Variants in DRC5 observed in about 807,000 individuals in gnomAD.
DRC5 encodes the protein dynein regulatory complex subunit 5.
the DRC5 span, chr6:44,280,505 T>TAAC: frequency 2.7e-6 from 2 of 741,744 alleles, no homozygotes; most frequent in South Asian, 3.7e-5. Context: ...AAACAATACT[T>TAAC]AACCTATTTG....
At chr6:44,281,967 A>G in the DRC5 span, 1 of 815,180 alleles carries the variant, frequency 1.2e-6, no homozygotes. Flanking sequence ...TAAAGGAAAA[A>G]TAATCATTGG....
chr6:44,287,248 G>A, the DRC5 span: 1 of 985,120 alleles, frequency 1.0e-6, no homozygotes, highest in Non-Finnish European at 1.2e-6. Flanking sequence ...CTTTCTGGAG[G>A]AGGAAGTAGA....
At chr6:44,292,621 A>G in the DRC5 span, among the ~76,000 whole-genome samples, 3 of 151,632 alleles carry the variant, frequency 2.0e-5, no homozygotes, top group Non-Finnish European at 4.4e-5. Flanking sequence ...GATTCTGGCC[A>G]AAAGGAGTGT....
chr6:44,287,120 C>G, the DRC5 span: 1 of 893,480 alleles, frequency 1.1e-6, no homozygotes, highest in Non-Finnish European at 1.3e-6. Flanking sequence ...GTAGGAGAGG[C>G]TGGCAGTCCA....
the DRC5 span, among the ~76,000 whole-genome samples, chr6:44,293,306 C>CAAAAAAAAAAAAAAA: frequency 1.1e-5 from 1 of 88,882 alleles, no homozygotes. Flanking sequence ...ACTATCCTCT[C>CAAAAAAAAAAAAAAA]AAAAAAAAAA....
chr6:44,283,593 T>C, the DRC5 span, among the ~76,000 whole-genome samples: 1 of 152,194 alleles, frequency 6.6e-6, no homozygotes, highest in African/African-American at 2.4e-5. Context: ...TTTGTGTCTC[T>C]TCTCTTTTCA....
At chr6:44,286,207 C>T in the DRC5 span, 3 of 1,611,490 alleles carry the variant, frequency 1.9e-6, no homozygotes, top group Admixed American at 5.0e-5. Flanking sequence ...GGGCCGGGAG[C>T]TGCACCGGCG....
At chr6:44,297,625 G>A in the DRC5 span, 1 of 152,248 alleles carries the variant, frequency 6.6e-6, no homozygotes, top group Admixed American at 6.5e-5. Context: ...GGGAGACCGG[G>A]GCTGGGTGTC....
chr6:44,286,121 A>G, the DRC5 span: 6 of 1,614,104 alleles, frequency 3.7e-6, no homozygotes, highest in Admixed American at 1.7e-5. Context: ...CAGATCGCCC[A>G]GTTGGTAGTG....
chr6:44,287,193 G>A, the DRC5 span: 2 of 985,208 alleles, frequency 2.0e-6, no homozygotes, highest in Non-Finnish European at 1.2e-6. Flanking sequence ...CCCTTACATG[G>A]CATGGAAGAC....
the DRC5 span, chr6:44,285,909 G>C: frequency 1.4e-6 from 2 of 1,469,400 alleles, no homozygotes; most frequent in Non-Finnish European, 1.9e-6. Flanking sequence ...GGAGGGGAGA[G>C]GGAATCTGAG....
the DRC5 span, among the ~76,000 whole-genome samples, chr6:44,293,301 C>T: frequency 8.4e-6 from 1 of 118,982 alleles, no homozygotes; most frequent in East Asian, 2.6e-4. Context: ...TCAGAACTAT[C>T]CTCTCAAAAA....
chr6:44,285,762 A>G, the DRC5 span, among the ~76,000 whole-genome samples: 2 of 152,196 alleles, frequency 1.3e-5, no homozygotes, highest in Non-Finnish European at 2.9e-5. Context: ...AATGAAACCA[A>G]CTGGTGAACT....
chr6:44,295,323 T>C, the DRC5 span, among the ~76,000 whole-genome samples: 3 of 152,224 alleles, frequency 2.0e-5, no homozygotes, highest in South Asian at 6.2e-4. Context: ...ACACGTGCAG[T>C]GGACTTTCAC....
the DRC5 span, among the ~76,000 whole-genome samples, chr6:44,294,859 T>C: frequency 6.9e-6 from 1 of 144,568 alleles, no homozygotes; most frequent in East Asian, 2.0e-4. Context: ...GGGGAGTGGG[T>C]AAAGGAGAAG....
the DRC5 span, chr6:44,282,510 A>G: frequency 6.2e-7 from 1 of 1,605,050 alleles, no homozygotes. Flanking sequence ...GCTTCGAATT[A>G]TGATGCGTGC....
At chr6:44,282,203 C>T in the DRC5 span, 2 of 1,614,190 alleles carry the variant, frequency 1.2e-6, no homozygotes, top group South Asian at 2.2e-5. Flanking sequence ...GCTCAGACAG[C>T]TCATTGCCAC....
chr6:44,279,397 T>G, the DRC5 span: 2 of 152,144 alleles, frequency 1.3e-5, no homozygotes, highest in Admixed American at 6.5e-5. Flanking sequence ...AGCGCAAAGA[T>G]TGTACAAATC....
the DRC5 span, among the ~76,000 whole-genome samples, chr6:44,285,259 T>C: frequency 6.6e-6 from 1 of 152,234 alleles, no homozygotes; most frequent in East Asian, 1.9e-4. Flanking sequence ...ATCTCTTCTT[T>C]ATAGCATTCA....
Sources: allele counts gnomAD v4.1 joint callset (sites outside exome capture counted in the v4.1 genomes callset), GRCh38; gene constraint gnomAD v4.1.1; transcripts MANE v1.5; gene names NCBI Gene and HGNC (gene_info 2026-07-23, HGNC 2026-07-21).